Variants in SNX29 observed in about 807,000 individuals in gnomAD.
SNX29 encodes the protein sorting nexin 29.
SNX29 carries 78 observed loss-of-function variants against 102.1 expected under a neutral mutation model. The ratio of observed to expected loss-of-function variants is 0.76; its 90% CI spans 0.64 to 0.92. The LOEUF is 0.92. SNX29 is among the 40% of genes least tolerant of loss of function. The pLI is 0.00. For missense variants in SNX29, 1,280 were observed against 1,061.7 expected (o/e 1.21, Z -2.86); for synonymous variants, 580 against 414.5 (o/e 1.40, Z -4.85).
At chr16:12,537,944 C>T (rs1222697610) in intron 20 of SNX29, among the ~76,000 whole-genome samples, 1 of 148,842 alleles carries the variant, frequency 6.7e-6, no homozygotes, top group Non-Finnish European at 1.5e-5. Flanking sequence ...GAGATCGTGC[C>T]ACTGCACTCC....
intron 14 of SNX29, among the ~76,000 whole-genome samples, chr16:12,200,529 A>G (rs2076887706): frequency 6.6e-6 from 1 of 151,448 alleles, no homozygotes; most frequent in African/African-American, 2.4e-5. Flanking sequence ...ACCGCCCAGG[A>G]TGGAGTGCAG....
intron 14 of SNX29, among the ~76,000 whole-genome samples, chr16:12,203,701 G>A (rs1232906850): frequency 1.3e-5 from 2 of 152,168 alleles, no homozygotes; most frequent in South Asian, 2.1e-4. Flanking sequence ...GGTCTTTGCT[G>A]TAAGACAACC....
intron 13 of SNX29, among the ~76,000 whole-genome samples, chr16:12,134,510 G>A (rs187775504): frequency 1.3e-5 from 2 of 152,318 alleles, no homozygotes; most frequent in East Asian, 3.9e-4. Flanking sequence ...TCGTTGCCAC[G>A]TGGGCCTCTC....
intron 1 of SNX29, among the ~76,000 whole-genome samples, chr16:11,989,870 C>T (rs1054280021): frequency 1.3e-5 from 2 of 152,200 alleles, no homozygotes; most frequent in African/African-American, 2.4e-5. Context: ...GAGAAGGGAA[C>T]GTTTGAGTCA....
At position 12,570,807 on chromosome 16, in the gene SNX29, T is replaced by G; in HGVS notation, c.*2178T>G. On this transcript the variant is annotated 3_prime_UTR_variant, in exon 21 of 21. Coordinates refer to ENST00000566228, the MANE Select transcript of SNX29 (RefSeq NM_032167.5). ...ACAGTCCCCCATTGCTGAGAGATAC[T>G]AACCCGTGAGAAACAAGTATGCTCT... The G allele has an allele frequency of 4.3e-6, 1 of 232,408 alleles. No homozygotes were observed. The allele number at this position is 232,408 out of a possible 1,614,324, so 14.4% of individuals were successfully genotyped here.
intron 20 of SNX29, among the ~76,000 whole-genome samples, chr16:12,528,278 C>T (rs1597753758): frequency 6.6e-6 from 1 of 152,266 alleles, no homozygotes; most frequent in South Asian, 2.1e-4. Context: ...TGGCTCACTG[C>T]AACCTCTACC....
chr16:12,340,987 C>T (rs2081594876), intron 15 of SNX29, among the ~76,000 whole-genome samples: 1 of 152,174 alleles, frequency 6.6e-6, no homozygotes, highest in African/African-American at 2.4e-5. Context: ...CTCTTCTAAG[C>T]CCCTATTTCC....
chr16:12,207,871 A>G (rs780687916), intron 14 of SNX29, among the ~76,000 whole-genome samples: 1 of 152,122 alleles, frequency 6.6e-6, no homozygotes, highest in Non-Finnish European at 1.5e-5. Context: ...TGCTCTGTCT[A>G]CTCTGCTAGA....
intron 19 of SNX29, among the ~76,000 whole-genome samples, chr16:12,494,585 C>T (rs929750173): frequency 6.6e-6 from 1 of 152,226 alleles, no homozygotes; most frequent in Non-Finnish European, 1.5e-5. Context: ...GGCCCAATCT[C>T]ACTTGCTGAG....
intron 15 of SNX29, among the ~76,000 whole-genome samples, chr16:12,349,172 G>T (rs551591531): frequency 4.6e-5 from 7 of 152,324 alleles, no homozygotes; most frequent in African/African-American, 7.2e-5. Flanking sequence ...CCTCAAATAG[G>T]CACAGTGTTT....
chr16:12,572,745 G>C lies in SNX29; in HGVS notation c.*4116G>C. On this transcript the variant is annotated 3_prime_UTR_variant, in exon 21 of 21. Transcript: ENST00000566228. The stretch of plus-strand genomic sequence containing the variant: ...GAACTGATGGCAAAGGAAGGGCTGG[G>C]TTTTCAGCTTCTGGGACCCGAGGAA... 1.9e-6 allele frequency: 2 copies of C among 1,064,154 alleles called. No individual in the cohort carries two copies. The highest frequency in any genetic ancestry group is 5.0e-5 in the East Asian group (1 of 19,890). The allele number at this position is 1,064,154 out of a possible 1,614,324, so 65.9% of individuals were successfully genotyped here.
intron 1 of SNX29, among the ~76,000 whole-genome samples, chr16:11,979,703 G>T (rs914004065): frequency 6.6e-6 from 1 of 152,038 alleles, no homozygotes. Context: ...TCTGCCTCAG[G>T]CTCCCAAGTA....
intron 15 of SNX29, among the ~76,000 whole-genome samples, chr16:12,340,339 G>C (rs985089601): frequency 5.9e-5 from 9 of 152,136 alleles, no homozygotes; most frequent in African/African-American, 1.9e-4. Context: ...TCTCTGTAAC[G>C]GGGCATAAAG....
chr16:12,149,921 G>C (rs55937851), intron 13 of SNX29, among the ~76,000 whole-genome samples: 27,972 of 152,016 alleles, frequency 0.18, 2,939 homozygotes, highest in Middle Eastern at 0.24. Flanking sequence ...TTGTGCCAAG[G>C]GGGAGAGGCA....
At chr16:12,093,108 C>T (rs2052626115) in intron 11 of SNX29, among the ~76,000 whole-genome samples, 1 of 152,170 alleles carries the variant, frequency 6.6e-6, no homozygotes, top group Non-Finnish European at 1.5e-5. Context: ...CAAATGTCAC[C>T]TTCAGGTTTT....
chr16:12,459,246 G>T (rs961612588), intron 18 of SNX29, among the ~76,000 whole-genome samples: 2 of 151,364 alleles, frequency 1.3e-5, no homozygotes, highest in South Asian at 2.1e-4. Context: ...CTCCTGTGGG[G>T]CTCACCAGCA....
chr16:12,174,466 C>T (rs910801850), intron 13 of SNX29, among the ~76,000 whole-genome samples: 1 of 152,174 alleles, frequency 6.6e-6, no homozygotes, highest in Non-Finnish European at 1.5e-5. Flanking sequence ...GAGAATCTAG[C>T]TGTTGCTGCC....
At chr16:12,020,489 A>C (rs1050248818) in intron 3 of SNX29, among the ~76,000 whole-genome samples, 2 of 152,048 alleles carry the variant, frequency 1.3e-5, no homozygotes, top group Admixed American at 6.6e-5. Flanking sequence ...GGTGTGAGCA[A>C]CTGCGCCCCA....
chr16:12,089,188 G>T (rs1027558128), intron 11 of SNX29, among the ~76,000 whole-genome samples: 1 of 151,384 alleles, frequency 6.6e-6, no homozygotes, highest in Non-Finnish European at 1.5e-5. Context: ...GTGTGTGGTG[G>T]TGGCACCTGG....
Sources: gnomAD v4.1 joint callset for allele counts (sites outside exome capture counted in the v4.1 genomes callset) on GRCh38, gnomAD v4.1.1 for gene constraint, MANE v1.5 for transcripts, NCBI Gene and HGNC (gene_info 2026-07-23, HGNC 2026-07-21) for gene names.